Variants in EDA2R observed in about 807,000 individuals in gnomAD.
The protein encoded by EDA2R is tumor necrosis factor receptor superfamily member 27.
EDA2R carries 26 observed loss-of-function variants against 20.1 expected under a neutral mutation model. That is an observed-to-expected ratio of 1.30 (90% CI 0.95 to 1.80). The LOEUF is 1.80. Ranked by LOEUF, EDA2R falls within the 40% of genes most tolerant of loss-of-function variation. The pLI, the probability that EDA2R is intolerant of heterozygous loss-of-function variation, is 0.00. For missense variants in EDA2R, 277 were observed against 228.7 expected, an observed-to-expected ratio of 1.21 and a Z score of -1.36; for synonymous variants, 114 against 88.7, an observed-to-expected ratio of 1.29 and a Z score of -1.60.
intron 5 of EDA2R, among the ~76,000 whole-genome samples, chrX:66,601,919 A>AT (rs1206056222): frequency 9.0e-6 from 1 of 111,444 alleles, no homozygotes; most frequent in Non-Finnish European, 1.9e-5. Flanking sequence ...AGAGATCACA[A>AT]TGTTACTGTG....
At position 66,597,743 on chromosome X, in the gene EDA2R, T is replaced by A. The variant is rs1362778531; in HGVS notation, c.*361A>T. 6.7e-6 allele frequency: 1 copy of A among 150,131 alleles called. No homozygotes were observed. Among genetic ancestry groups the A allele is most frequent in the African/African-American group, 3.1e-5 (1 of 32,238 alleles). The allele number at this position is 150,131 out of a possible 1,213,427, so 12.4% of individuals were successfully genotyped here. ...TTGTCCCTAAAGTGCTAGGTAGATG[T>A]GCCAACACAATTTTGAGAGGCTTAC... On this transcript the variant is annotated 3_prime_UTR_variant, in exon 7 of 7. Coordinates refer to ENST00000374719, the MANE Select transcript of EDA2R (RefSeq NM_021783.5).
At chrX:66,602,461 C>A (rs1185705687) in intron 5 of EDA2R, among the ~76,000 whole-genome samples, 172 bp downstream of exon 5, 10 of 111,140 alleles carry the variant, frequency 9.0e-5, no homozygotes, top group African/African-American at 3.3e-4. Flanking sequence ...TCTTAAGTCC[C>A]ATGCTTTCCA....
At chrX:66,603,977 G>A (rs1310415830) in intron 4 of EDA2R, among the ~76,000 whole-genome samples, 1 of 112,100 alleles carries the variant, frequency 8.9e-6, no homozygotes, top group Non-Finnish European at 1.9e-5. Flanking sequence ...AAAAAAGATA[G>A]ACGATTAGAT....
rs766761677 is a variant in EDA2R, at chrX:66,630,174, T to C, written c.-11+8821A>G. On this transcript the variant is annotated intron_variant, in intron 1 of 6. Transcript: ENST00000374719. ...CGAAACTGGAATGTCATCTCTCACA[T>C]TACACACAAATCAATTCAAGATAGA... Among the ~76,000 whole-genome samples, 228 of 111,536 alleles carry C rather than the reference T, an allele frequency of 2.0e-3. 1 individual carries two copies. Among genetic ancestry groups the C allele is most frequent in the Non-Finnish European group, 3.7e-3 (194 of 53,086 alleles).
In EDA2R at chrX:66,602,636, G is replaced by A. The variant is rs749773022; in HGVS notation, c.514C>T (p.Arg172Cys). ...AACATGAAACAGCCACCCTTACCAC[G>A]CTGGCAATGTCTGTTGAAGAACTGC... ...CKQFFNRHCQ[R>C]GGLLQFEADK... The change falls in exon 5 of 7, where the codon CGT (arginine) becomes TGT (cysteine). Residue 172 changes from arginine to cysteine, a missense_variant. Transcript: ENST00000374719. 9 of 1,191,960 alleles carry A rather than the reference G, an allele frequency of 7.6e-6. No individual in the cohort carries two copies. Among genetic ancestry groups the A allele is most frequent in the Admixed American group, 6.9e-5 (3 of 43,566 alleles).
intron 6 of EDA2R, 133 bp from the exon 7 acceptor site, chrX:66,598,226 G>A (rs1355440643): frequency 1.4e-5 from 3 of 213,978 alleles, no homozygotes; most frequent in Non-Finnish European, 2.7e-5. Flanking sequence ...TACCTAGATA[G>A]GGATATGACA....
At chrX:66,604,330 G>T in intron 4 of EDA2R, 91 bp downstream of exon 4, 1 of 784,259 alleles carries the variant, frequency 1.3e-6, no homozygotes, top group Non-Finnish European at 1.8e-6. Flanking sequence ...TACATGAAAA[G>T]GTATGAGGGG....
intron 4 of EDA2R, among the ~76,000 whole-genome samples, chrX:66,603,056 T>C (rs928276711): frequency 4.5e-5 from 5 of 112,145 alleles, no homozygotes; most frequent in African/African-American, 1.6e-4. Flanking sequence ...CTGTGCCACA[T>C]CTAATTATAT....
chrX:66,636,258 C>T (rs1448601842), intron 1 of EDA2R, among the ~76,000 whole-genome samples: 1 of 111,644 alleles, frequency 9.0e-6, no homozygotes, highest in Non-Finnish European at 1.9e-5. Flanking sequence ...ATTTACCCAT[C>T]CTGTTCCTTT....
intron 2 of EDA2R, among the ~76,000 whole-genome samples, chrX:66,610,048 T>A (rs1408209407): frequency 4.5e-5 from 5 of 111,454 alleles, no homozygotes; most frequent in African/African-American, 6.5e-5. Flanking sequence ...ATAAAAATTT[T>A]AAAAAGTTTC....
chrX:66,619,161 A>G (rs910921581), intron 1 of EDA2R, among the ~76,000 whole-genome samples: 7 of 111,757 alleles, frequency 6.3e-5, no homozygotes, highest in Admixed American at 1.9e-4. Context: ...CAGCTGGAGC[A>G]TGAAGGCCAT....
At chrX:66,602,090 G>A (rs1378155092) in intron 5 of EDA2R, among the ~76,000 whole-genome samples, 2 of 111,545 alleles carry the variant, frequency 1.8e-5, no homozygotes, top group Non-Finnish European at 3.8e-5. Flanking sequence ...TTATTATACT[G>A]ATAGCAGTGG....
chrX:66,628,792 C>G (rs1264721771), intron 1 of EDA2R, among the ~76,000 whole-genome samples: 1 of 110,297 alleles, frequency 9.1e-6, no homozygotes, highest in Non-Finnish European at 1.9e-5. Context: ...ATCCTTTTGG[C>G]ACTATTCCAC....
At chrX:66,625,756 G>A (rs1933009138) in intron 1 of EDA2R, among the ~76,000 whole-genome samples, 2 of 112,105 alleles carry the variant, frequency 1.8e-5, no homozygotes, top group Admixed American at 9.4e-5. Flanking sequence ...CTGTCACAGA[G>A]AACATTTCAT....
At position 66,595,975 on chromosome X, in the gene EDA2R, G is replaced by T. The variant is rs11093958; in HGVS notation, c.*2129C>A. 9.6e-6 allele frequency: 1 copy of T among 104,637 alleles called. No individual in the cohort carries two copies. Among genetic ancestry groups the T allele is most frequent in the African/African-American group, 3.5e-5 (1 of 28,882 alleles). 8.6% of individuals were successfully genotyped at this position (104,637 alleles called of 1,213,427 possible). A position where few individuals can be genotyped will look rare whatever the true frequency, so the allele number is the denominator to read the frequency against. Reference sequence around the variant, plus strand: ...TTGGAGGAAAAAATTATTTTCCCAGGCTCCCTCCTGTCAAAATCCAAGTCA... The same window carrying T: ...TTGGAGGAAAAAATTATTTTCCCAGTCTCCCTCCTGTCAAAATCCAAGTCA... On this transcript the variant is annotated 3_prime_UTR_variant, in exon 7 of 7. Transcript: ENST00000374719.
intron 1 of EDA2R, among the ~76,000 whole-genome samples, chrX:66,635,623 G>A (rs1602344718): frequency 8.9e-6 from 1 of 112,194 alleles, no homozygotes; most frequent in African/African-American, 3.2e-5. Context: ...TTTAGTGCCA[G>A]AGTTGGCGTA....
At chrX:66,619,601 G>A (rs950046062) in intron 1 of EDA2R, among the ~76,000 whole-genome samples, 1 of 111,386 alleles carries the variant, frequency 9.0e-6, no homozygotes, top group African/African-American at 3.3e-5. Flanking sequence ...TTGGGGAGAG[G>A]AAGGGAAGTG....
At chrX:66,638,701 C>T (rs1192771436) in intron 1 of EDA2R, among the ~76,000 whole-genome samples, 3 of 111,083 alleles carry the variant, frequency 2.7e-5, no homozygotes, top group Non-Finnish European at 5.7e-5. Context: ...ACCCTAGATG[C>T]TCAAGGTTGT....
At chrX:66,623,151 C>T (rs774139662) in intron 1 of EDA2R, among the ~76,000 whole-genome samples, 13 of 112,319 alleles carry the variant, frequency 1.2e-4, no homozygotes, top group Admixed American at 6.6e-4. Flanking sequence ...TTACAGTTCA[C>T]CAAGTGATTC....
Sources: allele counts gnomAD v4.1 joint callset (sites outside exome capture counted in the v4.1 genomes callset), GRCh38; gene constraint gnomAD v4.1.1; transcripts MANE v1.5; gene names NCBI Gene and HGNC (gene_info 2026-07-23, HGNC 2026-07-21).